HPF1: variants seen among roughly 807,000 people sequenced by gnomAD.
HPF1 encodes UPF0609 protein C4orf27.
In HPF1, 35 loss-of-function variants were observed where a neutral mutation model predicts 38.8. That is an observed-to-expected ratio of 0.90 (90% CI 0.69 to 1.19). The LOEUF is 1.19. Among genes scored for constraint, HPF1 ranks in the 50% most tolerant of loss-of-function variants. HPF1 has a pLI of 0.00. For missense variants in HPF1, 367 were observed against 405.8 expected, an observed-to-expected ratio of 0.90 and a Z score of 0.82; for synonymous variants, 115 against 139.2, an observed-to-expected ratio of 0.83 and a Z score of 1.22.
At chr4:169,732,304 C>G (rs1468543172) in intron 6 of HPF1, among the ~76,000 whole-genome samples, 1 of 152,008 alleles carries the variant, frequency 6.6e-6, no homozygotes, top group Non-Finnish European at 1.5e-5. Context: ...CCACGCCCAG[C>G]TAATATTTGT....
chr4:169,748,652 G>A lies in HPF1; in HGVS notation c.497+92C>T, dbSNP rs539411856. On this transcript the variant is annotated intron_variant, in intron 4 of 7. Transcript: ENST00000393381. ...CTCCCAAAGTGCTGGAATTACAGGT[G>A]TAAGCCACTGTGCCCAGCCCCTCAA... The A allele has an allele frequency of 9.8e-6, 6 of 615,294 alleles. No individual in the cohort carries two copies. In the South Asian group the frequency reaches 1.2e-4, roughly 13 times the overall value. 38.1% of individuals were successfully genotyped at this position (615,294 alleles called of 1,614,324 possible).
chr4:169,750,960 C>T (rs1223089565), intron 2 of HPF1, among the ~76,000 whole-genome samples: 2 of 152,218 alleles, frequency 1.3e-5, no homozygotes, highest in Non-Finnish European at 2.9e-5. Flanking sequence ...ATTAGCCTAA[C>T]ATTTCAGACA....
intron 2 of HPF1, among the ~76,000 whole-genome samples, chr4:169,752,508 T>G (rs574786129): frequency 2.0e-5 from 3 of 152,160 alleles, no homozygotes; most frequent in African/African-American, 7.2e-5. Flanking sequence ...AACAGTTTCT[T>G]TATCCTTTCA....
At position 169,753,844 on chromosome 4, in the gene HPF1, T is replaced by C; in HGVS notation, c.49-9A>G. ...TCAGTTGTTTTTTCACACTGAAAAT[T>C]GGCACACAAACTTTAGTTCTCCAAA... On this transcript the variant is annotated splice_polypyrimidine_tract_variant and intron_variant, in intron 1 of 7. Transcript: ENST00000393381. 6.2e-7 allele frequency: 1 copy of C among 1,602,178 alleles called. No individual in the cohort carries two copies. Among genetic ancestry groups the C allele is most frequent in the South Asian group, 1.1e-5 (1 of 88,426 alleles).
intron 1 of HPF1, 47 bp from the exon 2 acceptor site, chr4:169,753,882 TC>T: frequency 6.8e-7 from 1 of 1,471,786 alleles, no homozygotes; most frequent in East Asian, 2.3e-5. Context: ...TCAGTAACTC[TC>T]CTTGCATAAC....
At chr4:169,747,772 C>T (rs1734067832) in intron 4 of HPF1, among the ~76,000 whole-genome samples, 1 of 152,168 alleles carries the variant, frequency 6.6e-6, no homozygotes, top group Non-Finnish European at 1.5e-5. Context: ...ATCTCAGAGG[C>T]AGAAGAGATA....
At chr4:169,735,825 A>C (rs1034805322) in intron 6 of HPF1, among the ~76,000 whole-genome samples, 12 of 152,182 alleles carry the variant, frequency 7.9e-5, no homozygotes, top group African/African-American at 2.9e-4. Flanking sequence ...TCTGGCTTCA[A>C]AGAGGAGATA....
At chr4:169,735,670 C>T (rs1039979414) in intron 6 of HPF1, among the ~76,000 whole-genome samples, 1 of 152,104 alleles carries the variant, frequency 6.6e-6, no homozygotes, top group Non-Finnish European at 1.5e-5. Flanking sequence ...AACAAATGTG[C>T]GCAACCTTTC....
intron 1 of HPF1, 104 bp downstream of exon 1, chr4:169,757,726 C>G: frequency 4.3e-6 from 5 of 1,151,140 alleles, no homozygotes; most frequent in Non-Finnish European, 5.0e-6. Context: ...CCTGGACACA[C>G]AGCAAGCTTA....
intron 3 of HPF1, 122 bp downstream of exon 3, chr4:169,750,414 G>C (rs1581322403): frequency 1.5e-6 from 1 of 654,034 alleles, no homozygotes; most frequent in East Asian, 2.7e-5. Context: ...ACAACAGATG[G>C]CTCATATATC....
In HPF1 at chr4:169,742,010, A is replaced by G. The variant is rs777491506; in HGVS notation, c.595T>C (p.Leu199=). ...GTTCTCTGTTCAAGCGAGTACCCCA[A>G]TTCTCTGGCTGCTTCTGTGAGTTTT... ...DEKLTEAARE[L]GYSLEQRTVK... is the part of the protein sequence containing the mutation. The change falls in exon 5 of 8, where the codon TTG becomes CTG. Residue 199 remains leucine, a synonymous_variant. Transcript: ENST00000393381. The G allele has an allele frequency of 2.5e-6, 4 of 1,613,352 alleles. No homozygotes were observed. The highest frequency in any genetic ancestry group is 1.7e-4 in the Middle Eastern group (1 of 6,038).
chr4:169,733,414 G>T (rs192785169), intron 6 of HPF1, among the ~76,000 whole-genome samples: 1 of 152,234 alleles, frequency 6.6e-6, no homozygotes, highest in East Asian at 1.9e-4. Flanking sequence ...CTTTGAGAAT[G>T]AAAAGAATGG....
rs765737535 is a variant in HPF1 at position 169,757,872 on chromosome 4, G to A, written c.6C>T (p.Val2=). The change falls in exon 1 of 8, where the codon GTC becomes GTT. Residue 2 remains valine, a synonymous_variant. Coordinates refer to ENST00000393381, the MANE Select transcript of HPF1 (RefSeq NM_017867.3). M[V]GGGGKRRPGG... ...CGGGCCTGCGCTTCCCGCCACCGCCGACCATTCTGCAGCTGCAGCGCCAGC... is the reference window on the plus strand; with the variant it reads ...CGGGCCTGCGCTTCCCGCCACCGCCAACCATTCTGCAGCTGCAGCGCCAGC... 7.1e-6 allele frequency: 11 copies of A among 1,560,252 alleles called. No individual in the cohort carries two copies. Among genetic ancestry groups the A allele is most frequent in the African/African-American group, 4.1e-5 (3 of 73,636 alleles).
At chr4:169,741,396 T>C (rs1733967430) in intron 5 of HPF1, among the ~76,000 whole-genome samples, 1 of 152,128 alleles carries the variant, frequency 6.6e-6, no homozygotes, top group African/African-American at 2.4e-5. Context: ...AGAATTCTCA[T>C]TTACTCCAAA....
intron 1 of HPF1, among the ~76,000 whole-genome samples, chr4:169,755,155 A>G (rs10034188): frequency 0.68 from 102,894 of 150,638 alleles, 38,524 homozygotes; most frequent in East Asian, 0.91. Flanking sequence ...ATGTAATCAG[A>G]TGATACAAGA....
intron 4 of HPF1, among the ~76,000 whole-genome samples, chr4:169,744,952 C>CTGTACTGACTTAT (rs1469657891): frequency 3.6e-5 from 2 of 56,020 alleles, no homozygotes; most frequent in African/African-American, 1.2e-4. Context: ...ATAGTACTGA[C>CTGTACTGACTTAT]TGTACAATAA....
At chr4:169,732,297 C>T (rs774185921) in intron 6 of HPF1, among the ~76,000 whole-genome samples, 6 of 152,020 alleles carry the variant, frequency 3.9e-5, no homozygotes, top group Admixed American at 6.5e-5. Context: ...CATGCCACCA[C>T]GCCCAGCTAA....
In HPF1 at chr4:169,753,834, C is replaced by T. The variant is rs2150293851; in HGVS notation, c.50G>A (p.Cys17Tyr). Reference protein sequence around the residue: ...KRRPGGEGPQCEKTTDVKKSK... With the variant: ...KRRPGGEGPQYEKTTDVKKSK... ...TTTCTTCACATCAGTTGTTTTTTCA[C>T]ACTGAAAATTGGCACACAAACTTTA... The change falls in exon 2 of 8, where the codon TGT (cysteine) becomes TAT (tyrosine). Residue 17 changes from cysteine to tyrosine, a missense_variant and splice_region_variant. Coordinates refer to ENST00000393381, the MANE Select transcript of HPF1 (RefSeq NM_017867.3). 6.2e-7 allele frequency: 1 copy of T among 1,603,024 alleles called. No homozygotes were observed. The highest frequency in any genetic ancestry group is 8.5e-7 in the Non-Finnish European group (1 of 1,176,636).
intron 4 of HPF1, 115 bp from the exon 5 acceptor site, chr4:169,742,222 G>T: frequency 1.3e-6 from 1 of 793,816 alleles, no homozygotes; most frequent in East Asian, 2.5e-5. Flanking sequence ...TAAGTCCACA[G>T]AATAATTACC....
Sources: gnomAD v4.1 joint callset for allele counts (sites outside exome capture counted in the v4.1 genomes callset) on GRCh38, gnomAD v4.1.1 for gene constraint, MANE v1.5 for transcripts, NCBI Gene and HGNC (gene_info 2026-07-23, HGNC 2026-07-21) for gene names.